PKNOX2: variants seen among roughly 807,000 people sequenced by gnomAD.
PKNOX2 encodes PBX/knotted 1 homeobox 2, also known as homeobox protein PKNOX2.
In PKNOX2, 14 loss-of-function variants were observed where a neutral mutation model predicts 53.1. The ratio of observed to expected loss-of-function variants is 0.26; its 90% CI spans 0.17 to 0.41. The LOEUF (loss-of-function observed/expected upper bound fraction) is 0.41, where lower values mean the gene tolerates loss of function less well. PKNOX2 is among the 10% of genes least tolerant of loss of function. The probability of loss-of-function intolerance (pLI) is 1.00; values close to 1 mark genes in which losing one functional copy is unlikely to be tolerated. For missense variants in PKNOX2, 496 were observed against 602.8 expected (o/e 0.82, Z 1.85); for synonymous variants, 257 against 242.8 (o/e 1.06, Z -0.54).
At chr11:125,217,147 A>G (rs1940624593) in intron 1 of PKNOX2, among the ~76,000 whole-genome samples, 1 of 151,972 alleles carries the variant, frequency 6.6e-6, no homozygotes. Flanking sequence ...ATGTGCACAC[A>G]CGACCCTCCA....
At chr11:125,164,951 G>A (rs1489436815) in intron 1 of PKNOX2, among the ~76,000 whole-genome samples, 175 bp downstream of exon 1, 1 of 151,726 alleles carries the variant, frequency 6.6e-6, no homozygotes, top group Admixed American at 6.6e-5. Context: ...GAGGGAGGCA[G>A]CAGGGAGGAG....
In PKNOX2 at chr11:125,165,320, C is replaced by A. The variant is rs940018245; in HGVS notation, c.-201+544C>A. On this transcript the variant is annotated intron_variant, in intron 1 of 12. Coordinates refer to ENST00000298282, the MANE Select transcript of PKNOX2 (RefSeq NM_001382323.2). The surrounding 1 kb of genome is among the most constrained non-coding windows in gnomAD (Gnocchi z 4.5). Reference sequence around the variant, plus strand: ...CAGGGGACCCGAGAATAGGAACAGGCACGCCGGCCCGAGCCCGGGTGCAGA... The same window carrying A: ...CAGGGGACCCGAGAATAGGAACAGGAACGCCGGCCCGAGCCCGGGTGCAGA... Among the ~76,000 whole-genome samples, 3 of 152,096 alleles carry A rather than the reference C, an allele frequency of 2.0e-5. No individual in the cohort carries two copies. The highest frequency in any genetic ancestry group is 4.4e-5 in the Non-Finnish European group (3 of 67,984).
At chr11:125,334,923 C>A (rs1458543807) in intron 3 of PKNOX2, among the ~76,000 whole-genome samples, 3 of 152,220 alleles carry the variant, frequency 2.0e-5, no homozygotes, top group Non-Finnish European at 4.4e-5. Context: ...TTCTTACCAT[C>A]ATTGTCTTTC....
At chr11:125,390,588 C>T (rs538032339) in intron 6 of PKNOX2, among the ~76,000 whole-genome samples, 3 of 152,344 alleles carry the variant, frequency 2.0e-5, no homozygotes, top group East Asian at 1.9e-4. Context: ...CCTAAAGCCC[C>T]GAGTGTCTTC....
At chr11:125,322,601 C>T (rs371720400) in intron 2 of PKNOX2, among the ~76,000 whole-genome samples, 22 of 152,304 alleles carry the variant, frequency 1.4e-4, no homozygotes, top group African/African-American at 4.3e-4. Context: ...GGCAGCATCA[C>T]GCCCAGAACT....
intron 4 of PKNOX2, among the ~76,000 whole-genome samples, chr11:125,365,077 G>A (rs901830460): frequency 2.6e-5 from 4 of 151,962 alleles, no homozygotes; most frequent in Admixed American, 6.6e-5. Context: ...TTGGCCCTTC[G>A]AGTCATACAG....
chr11:125,270,234 T>G (rs1283783538), intron 2 of PKNOX2, among the ~76,000 whole-genome samples: 1 of 152,172 alleles, frequency 6.6e-6, no homozygotes, highest in Non-Finnish European at 1.5e-5. Flanking sequence ...CAGCCCTCTC[T>G]CCCCTGGGAG....
intron 3 of PKNOX2, among the ~76,000 whole-genome samples, chr11:125,342,684 G>T (rs1950756410): frequency 6.6e-6 from 1 of 152,040 alleles, no homozygotes; most frequent in South Asian, 2.1e-4. Context: ...AATCAGGTTT[G>T]TCGAGGGGGA....
chr11:125,192,290 C>G (rs886874913), intron 1 of PKNOX2, among the ~76,000 whole-genome samples: 1 of 152,178 alleles, frequency 6.6e-6, no homozygotes, highest in Non-Finnish European at 1.5e-5. Context: ...CCGGCAGAGC[C>G]GTGCAAAGCC....
intron 4 of PKNOX2, among the ~76,000 whole-genome samples, chr11:125,351,725 G>A (rs1409025261): frequency 3.9e-5 from 6 of 152,050 alleles, no homozygotes; most frequent in Non-Finnish European, 8.8e-5. Context: ...TCCACAGTGG[G>A]GGAGACCCAG....
intron 1 of PKNOX2, among the ~76,000 whole-genome samples, chr11:125,171,615 G>A (rs1340541988): frequency 5.3e-5 from 8 of 152,228 alleles, no homozygotes; most frequent in Non-Finnish European, 1.2e-4. Flanking sequence ...AGTCATGGTT[G>A]ACTCTCCTCT....
intron 2 of PKNOX2, among the ~76,000 whole-genome samples, chr11:125,309,236 T>C (rs1472411802): frequency 6.7e-6 from 1 of 149,414 alleles, no homozygotes; most frequent in East Asian, 2.0e-4. Context: ...CTTCCTTCCT[T>C]CCTCTCTTTC....
chr11:125,211,872 G>A (rs189652570), intron 1 of PKNOX2, among the ~76,000 whole-genome samples: 2 of 152,238 alleles, frequency 1.3e-5, no homozygotes, highest in Non-Finnish European at 1.5e-5. Context: ...TGACAATGAT[G>A]TAAACAGGCT....
rs927693418 is a variant in PKNOX2, at chr11:125,272,144, G to A, written c.-130+37029G>A. On this transcript the variant is annotated intron_variant, in intron 2 of 12. Coordinates refer to ENST00000298282, the MANE Select transcript of PKNOX2 (RefSeq NM_001382323.2). The stretch of plus-strand genomic sequence containing the variant: ...AAATTGCATGGAGGCTTGGAGGGAA[G>A]TGTTTCAAATGGGAACTAGAGTTGG... Among the ~76,000 whole-genome samples, 64 of 152,360 alleles carry A rather than the reference G, an allele frequency of 4.2e-4. 1 individual carries two copies. The highest frequency in any genetic ancestry group is 1.5e-3 in the African/African-American group (62 of 41,582).
intron 10 of PKNOX2, among the ~76,000 whole-genome samples, chr11:125,425,941 GAGGACTTGCACCAGGCGGTGGTT>G: frequency 6.6e-6 from 1 of 152,244 alleles, no homozygotes; most frequent in Admixed American, 6.5e-5. Flanking sequence ...GATAGGTGGT[GAGGACTTGCACCAGGCGGTGGTT>G]AGGGGCTTTC....
chr11:125,270,074 T>C (rs1402202862), intron 2 of PKNOX2, among the ~76,000 whole-genome samples: 3 of 152,242 alleles, frequency 2.0e-5, no homozygotes. Context: ...TCAATGGTCT[T>C]TCTGGCTATC....
chr11:125,425,388 T>G (rs1293052637), intron 10 of PKNOX2, among the ~76,000 whole-genome samples: 2 of 152,236 alleles, frequency 1.3e-5, no homozygotes, highest in African/African-American at 4.8e-5. Flanking sequence ...CTTTTTCTTT[T>G]TCTTTTTCTT....
intron 2 of PKNOX2, among the ~76,000 whole-genome samples, chr11:125,297,306 T>C (rs1335500047): frequency 3.3e-5 from 5 of 152,254 alleles, no homozygotes; most frequent in Admixed American, 3.3e-4. Context: ...TCTCATTCAC[T>C]GATCCATAAA....
chr11:125,307,267 G>A (rs1948524612), intron 2 of PKNOX2, among the ~76,000 whole-genome samples: 1 of 152,158 alleles, frequency 6.6e-6, no homozygotes, highest in Non-Finnish European at 1.5e-5. Context: ...ACCAGAAGAT[G>A]GACAGGACTT....
Sources: allele counts gnomAD v4.1 joint callset (sites outside exome capture counted in the v4.1 genomes callset), GRCh38; gene constraint gnomAD v4.1.1; non-coding constraint Gnocchi (gnomAD v3.1); transcripts MANE v1.5; gene names NCBI Gene and HGNC (gene_info 2026-07-23, HGNC 2026-07-21).